THSD4: variants seen among roughly 807,000 people sequenced by gnomAD.
THSD4 encodes the protein thrombospondin type 1 domain containing 4, also known as thrombospondin type-1 domain-containing protein 4.
Under a neutral mutation model 119.0 loss-of-function variants are expected in THSD4, and 69 were observed. That is an observed-to-expected ratio of 0.58 (90% confidence interval 0.48 to 0.71). The LOEUF (loss-of-function observed/expected upper bound fraction) is 0.71. THSD4 is among the 30% of genes least tolerant of loss of function. The pLI is 0.00. For missense variants in THSD4, 1,393 were observed against 1,391.1 expected (o/e 1.00, Z -0.02); for synonymous variants, 524 against 540.4 (o/e 0.97, Z 0.42).
chr15:71,708,337 C>G (rs1207384930), intron 8 of THSD4, among the ~76,000 whole-genome samples: 1 of 152,212 alleles, frequency 6.6e-6, no homozygotes, highest in African/African-American at 2.4e-5. Context: ...AATGCACCTC[C>G]TTATTGCCTG....
intron 7 of THSD4, among the ~76,000 whole-genome samples, chr15:71,453,990 C>T (rs888550406): frequency 1.3e-5 from 2 of 152,236 alleles, no homozygotes; most frequent in African/African-American, 4.8e-5. Context: ...GGCACAGTGT[C>T]TCACACCTGT....
chr15:71,309,306 T>A (rs1369967713), intron 6 of THSD4, among the ~76,000 whole-genome samples: 1 of 152,194 alleles, frequency 6.6e-6, no homozygotes, highest in African/African-American at 2.4e-5. Flanking sequence ...ATGTCTTCTT[T>A]GGAAAAATAC....
intron 8 of THSD4, among the ~76,000 whole-genome samples, chr15:71,689,515 TC>T (rs1162504897): frequency 1.3e-5 from 2 of 152,180 alleles, no homozygotes; most frequent in East Asian, 3.9e-4. Flanking sequence ...GAATAAGCCT[TC>T]CCCCTCAGTG....
intron 6 of THSD4, among the ~76,000 whole-genome samples, chr15:71,309,542 A>G (rs1460844363): frequency 1.3e-5 from 2 of 152,158 alleles, no homozygotes; most frequent in Non-Finnish European, 2.9e-5. Flanking sequence ...CTGCATGTAC[A>G]TTTGATGTCC....
rs1400986632 is a variant in THSD4, at chr15:71,242,936, A to G, written c.752A>G (p.Gln251Arg). The G allele has an allele frequency of 6.2e-7, 1 of 1,614,196 alleles. No homozygotes were observed. The highest frequency in any genetic ancestry group is 2.2e-5 in the East Asian group (1 of 44,886). ...TACCAGCTACCTTTGACCCATGATCAAGGCTACCCTGCAGCTTCAAGTCTC... is the reference window on the plus strand; with the variant it reads ...TACCAGCTACCTTTGACCCATGATCGAGGCTACCCTGCAGCTTCAAGTCTC... ...PIYQLPLTHDQGYPAASSLFH... is the reference protein window; with the variant it reads ...PIYQLPLTHDRGYPAASSLFH... Residue 251 changes from glutamine (Q) to arginine (R), a missense_variant, in exon 5 of 18, where the codon CAA becomes CGA. Gln to Arg is a conservative substitution (Grantham distance 43). Transcript: ENST00000261862.
chr15:71,256,475 C>CAA (rs34819269), intron 5 of THSD4, 138 bp from the exon 6 acceptor site: 204 of 356,972 alleles, frequency 5.7e-4, no homozygotes, highest in Middle Eastern at 1.1e-3. Context: ...GACTCCATCT[C>CAA]AAAAAAAAAA....
At chr15:71,138,985 T>C (rs1432639921) in intron 1 of THSD4, among the ~76,000 whole-genome samples, 1 of 130,098 alleles carries the variant, frequency 7.7e-6, no homozygotes, top group Non-Finnish European at 1.5e-5. Flanking sequence ...CCCCCCCCCA[T>C]TTTACAGATG....
intron 6 of THSD4, among the ~76,000 whole-genome samples, chr15:71,393,312 G>GGCCT (rs1330221559): frequency 6.6e-6 from 1 of 151,914 alleles, no homozygotes; most frequent in Non-Finnish European, 1.5e-5. Context: ...AAATAACTGC[G>GGCCT]GCCTGAATGG....
At chr15:71,343,945 C>T (rs1032376859) in intron 6 of THSD4, among the ~76,000 whole-genome samples, 1 of 151,776 alleles carries the variant, frequency 6.6e-6, no homozygotes, top group Admixed American at 6.6e-5. Flanking sequence ...AACTCCTGGG[C>T]TCAAGCAATC....
chr15:71,187,613 G>GC (rs1424689315), intron 3 of THSD4: 1 of 152,680 alleles, frequency 6.5e-6, no homozygotes, highest in African/African-American at 2.4e-5. Flanking sequence ...AGAGACAGAT[G>GC]CGTAGCTGAC....
chr15:71,531,110 G>T (rs909468841), intron 7 of THSD4, among the ~76,000 whole-genome samples: 2 of 152,138 alleles, frequency 1.3e-5, no homozygotes, highest in Admixed American at 6.5e-5. Context: ...AACATTTGAG[G>T]CAGGAAGGAG....
intron 7 of THSD4, among the ~76,000 whole-genome samples, chr15:71,412,515 G>A (rs980280868): frequency 2.0e-5 from 3 of 152,096 alleles, no homozygotes; most frequent in African/African-American, 7.2e-5. Flanking sequence ...TTTCATCTAC[G>A]TATGTATTCA....
chr15:71,647,768 T>C (rs1380731317), intron 7 of THSD4, among the ~76,000 whole-genome samples: 1 of 152,232 alleles, frequency 6.6e-6, no homozygotes, highest in Non-Finnish European at 1.5e-5. Context: ...GGTGGTGTTA[T>C]AGATGTCCCT....
At chr15:71,097,339 T>C (rs1222948193) in intron 1 of THSD4, among the ~76,000 whole-genome samples, 1 of 151,954 alleles carries the variant, frequency 6.6e-6, no homozygotes, top group African/African-American at 2.4e-5. Context: ...CTGAGACGGG[T>C]GGATTGCTTG....
chr15:71,267,830 C>T (rs1385487300), intron 6 of THSD4, among the ~76,000 whole-genome samples: 1 of 152,116 alleles, frequency 6.6e-6, no homozygotes, highest in African/African-American at 2.4e-5. Flanking sequence ...ATAAAACAGA[C>T]TTTAAACTAG....
At chr15:71,473,118 G>A (rs1051691226) in intron 7 of THSD4, among the ~76,000 whole-genome samples, 9 of 147,588 alleles carry the variant, frequency 6.1e-5, no homozygotes, top group African/African-American at 2.0e-4. Context: ...GTACAATGGT[G>A]TGATCCTGGC....
chr15:71,316,583 G>A (rs2045189693), intron 6 of THSD4, among the ~76,000 whole-genome samples: 1 of 152,150 alleles, frequency 6.6e-6, no homozygotes, highest in Admixed American at 6.5e-5. Context: ...TAGGCCTTAG[G>A]CCCATTGCTG....
intron 5 of THSD4, among the ~76,000 whole-genome samples, chr15:71,247,644 C>A (rs2044217305): frequency 6.6e-6 from 1 of 151,882 alleles, no homozygotes; most frequent in Admixed American, 6.6e-5. Flanking sequence ...GGCTGAGGAG[C>A]AAGAAGGAGG....
At chr15:71,397,595 A>G (rs143840017) in intron 6 of THSD4, among the ~76,000 whole-genome samples, 387 of 152,344 alleles carry the variant, frequency 2.5e-3, no homozygotes, top group Non-Finnish European at 3.7e-3. Flanking sequence ...ACATGGCACC[A>G]TGCCAGGCAC....
Sources: gnomAD v4.1 joint callset for allele counts (sites outside exome capture counted in the v4.1 genomes callset) on GRCh38, gnomAD v4.1.1 for gene constraint, MANE v1.5 for transcripts, NCBI Gene and HGNC (gene_info 2026-07-23, HGNC 2026-07-21) for gene names.